The following PTN variants were observed in gnomAD, a reference collection of about 807,000 sequenced individuals.
PTN encodes the protein heparin affin regulatory protein.
Under a neutral mutation model 24.1 loss-of-function variants are expected in PTN, and 18 were observed. The observed-to-expected ratio is 0.75, with a 90% CI of 0.52 to 1.11. The LOEUF (loss-of-function observed/expected upper bound fraction) is 1.11. Among genes scored for constraint, PTN ranks in the 50% least tolerant of loss-of-function variants. The probability of loss-of-function intolerance (pLI) is 0.00; values close to 1 mark genes in which losing one functional copy is unlikely to be tolerated. For missense variants in PTN, 163 were observed against 198.8 expected (o/e 0.82, Z 1.08); for synonymous variants, 78 against 68.6 (o/e 1.14, Z -0.67).
At chr7:137,293,395 A>T (rs1351053026) in intron 1 of PTN, among the ~76,000 whole-genome samples, 2 of 152,154 alleles carry the variant, frequency 1.3e-5, no homozygotes, top group African/African-American at 2.4e-5. Flanking sequence ...GGAAGAATTT[A>T]AAAAGCAAAC....
At chr7:137,228,534 T>G (rs929486142) in intron 4 of PTN, among the ~76,000 whole-genome samples, 2 of 151,770 alleles carry the variant, frequency 1.3e-5, no homozygotes. Context: ...TCTTTGATAG[T>G]ATATTTTCTG....
chr7:137,236,739 G>C (rs565523776), intron 4 of PTN, among the ~76,000 whole-genome samples: 1 of 152,262 alleles, frequency 6.6e-6, no homozygotes, highest in East Asian at 1.9e-4. Flanking sequence ...CTGCAATAAT[G>C]AGGGCAGAGG....
At chr7:137,338,709 T>C (rs1386477257) in intron 1 of PTN, among the ~76,000 whole-genome samples, 2 of 152,164 alleles carry the variant, frequency 1.3e-5, no homozygotes, top group Non-Finnish European at 1.5e-5. Context: ...ACCTACCATA[T>C]AGTATGTCAG....
At chr7:137,239,888 G>C (rs577539121) in intron 4 of PTN, among the ~76,000 whole-genome samples, 6 of 152,106 alleles carry the variant, frequency 3.9e-5, no homozygotes, top group Non-Finnish European at 7.4e-5. Context: ...AGAGGAGACC[G>C]TGACTTAATA....
chr7:137,262,613 C>T (rs527727478), intron 1 of PTN, among the ~76,000 whole-genome samples: 97 of 151,756 alleles, frequency 6.4e-4, no homozygotes, highest in African/African-American at 1.9e-3. Context: ...TCTTAAAATC[C>T]GAGCTCCTCA....
chr7:137,236,882 A>G (rs534630266), intron 4 of PTN, among the ~76,000 whole-genome samples: 1 of 152,278 alleles, frequency 6.6e-6, no homozygotes, highest in Non-Finnish European at 1.5e-5. Flanking sequence ...TAATATAGCC[A>G]GTACTACTAG....
chr7:137,258,441 A>C (rs1159660224), intron 1 of PTN, among the ~76,000 whole-genome samples: 4 of 152,144 alleles, frequency 2.6e-5, no homozygotes, highest in African/African-American at 4.8e-5. Flanking sequence ...CGTGTTCAAC[A>C]ACAGCTTTGA....
chr7:137,237,792 T>G (rs1396494418), intron 4 of PTN, among the ~76,000 whole-genome samples: 3 of 152,222 alleles, frequency 2.0e-5, no homozygotes, highest in Non-Finnish European at 2.9e-5. Context: ...GATCTTTCTC[T>G]ATACTTTACA....
At chr7:137,334,092 G>C (rs1810405545) in intron 1 of PTN, among the ~76,000 whole-genome samples, 1 of 152,032 alleles carries the variant, frequency 6.6e-6, no homozygotes, top group Non-Finnish European at 1.5e-5. Context: ...AAAAACCCTA[G>C]AAGAAAACTT....
At chr7:137,276,546 A>T (rs1809362509) in intron 1 of PTN, among the ~76,000 whole-genome samples, 1 of 152,134 alleles carries the variant, frequency 6.6e-6, no homozygotes. Context: ...TGTACGCAAG[A>T]CTTCACCTGC....
At chr7:137,325,879 T>C (rs1017907207) in intron 1 of PTN, 5 of 152,220 alleles carry the variant, frequency 3.3e-5, no homozygotes, top group African/African-American at 1.2e-4. Flanking sequence ...TTGGAAGATA[T>C]GGCCTCACAC....
At chr7:137,287,295 A>G (rs947375642) in intron 1 of PTN, among the ~76,000 whole-genome samples, 2 of 152,184 alleles carry the variant, frequency 1.3e-5, no homozygotes, top group Non-Finnish European at 2.9e-5. Context: ...CTTCTTTCAA[A>G]TAACTTCTAT....
At chr7:137,287,780 A>T (rs528518184) in intron 1 of PTN, 1 of 151,968 alleles carries the variant, frequency 6.6e-6, no homozygotes, top group East Asian at 1.9e-4. Context: ...AGAATAAAGA[A>T]AAAAAGGGCT....
At chr7:137,262,866 C>T (rs1809067457) in intron 1 of PTN, among the ~76,000 whole-genome samples, 1 of 152,162 alleles carries the variant, frequency 6.6e-6, no homozygotes, top group Non-Finnish European at 1.5e-5. Context: ...TCAGGCAGGC[C>T]CAGGCCTGGT....
chr7:137,305,594 A>G (rs1409592495), intron 1 of PTN, among the ~76,000 whole-genome samples: 1 of 152,096 alleles, frequency 6.6e-6, no homozygotes, highest in Non-Finnish European at 1.5e-5. Flanking sequence ...CTAAATAACT[A>G]TTTGCATTCT....
chr7:137,288,749 T>C lies in PTN; in HGVS notation c.-1-33775A>G, dbSNP rs142246716. ...TGAAGTTTGAAAACTTTAGACCTAT[T>C]ATTCCTCAAGAAAACTAAAGTTATA... On this transcript the variant is annotated intron_variant, in intron 1 of 4. Transcript: ENST00000348225. Among the ~76,000 whole-genome samples, 373 of 152,274 alleles carry C rather than the reference T, an allele frequency of 2.4e-3. 4 individuals are homozygous for C. Among genetic ancestry groups the C allele is most frequent in the African/African-American group, 8.0e-3 (332 of 41,548 alleles).
intron 1 of PTN, among the ~76,000 whole-genome samples, chr7:137,256,465 C>A (rs1025850772): frequency 3.3e-5 from 5 of 152,142 alleles, no homozygotes; most frequent in Admixed American, 2.0e-4. Flanking sequence ...TGGCCTCCAG[C>A]TTCACTCATG....
At chr7:137,337,182 G>A (rs2128883723) in intron 1 of PTN, among the ~76,000 whole-genome samples, 1 of 152,342 alleles carries the variant, frequency 6.6e-6, no homozygotes, top group Middle Eastern at 3.4e-3. Context: ...AAACATTGAA[G>A]ACAGGGAACT....
chr7:137,247,850 A>T (rs1808750591), intron 4 of PTN, among the ~76,000 whole-genome samples: 1 of 152,242 alleles, frequency 6.6e-6, no homozygotes, highest in Admixed American at 6.5e-5. Context: ...AAAGGAAATT[A>T]AAACCCATGG....
Sources: gnomAD v4.1 joint callset for allele counts (sites outside exome capture counted in the v4.1 genomes callset) on GRCh38, gnomAD v4.1.1 for gene constraint, MANE v1.5 for transcripts, NCBI Gene and HGNC (gene_info 2026-07-23, HGNC 2026-07-21) for gene names.